CNBD1: variants seen among roughly 807,000 people sequenced by gnomAD.
CNBD1 encodes the protein cyclic nucleotide-binding domain-containing protein 1.
Under a neutral mutation model 54.4 loss-of-function variants are expected in CNBD1, and 71 were observed. The observed-to-expected ratio is 1.30, with a 90% confidence interval of 1.08 to 1.59. The LOEUF (loss-of-function observed/expected upper bound fraction) is 1.59, where lower values mean the gene tolerates loss of function less well. Among genes scored for constraint, CNBD1 ranks in the 40% most tolerant of loss-of-function variants. The pLI, the probability that CNBD1 is intolerant of heterozygous loss-of-function variation, is 0.00. For synonymous variants in CNBD1, 182 were observed against 170.7 expected (o/e 1.07, Z -0.51); for missense variants, 659 against 518.0 (o/e 1.27, Z -2.64).
chr8:87,168,888 C>T (rs924198811), intron 4 of CNBD1, among the ~76,000 whole-genome samples: 2 of 152,036 alleles, frequency 1.3e-5, no homozygotes, highest in African/African-American at 4.8e-5. Flanking sequence ...CTGCAATAAA[C>T]ATGGGCATAC....
Position 87,372,858 on chromosome 8 carries a change from T to C in CNBD1, c.1304-9762T>C, listed in dbSNP as rs201360694. Reference sequence around the variant, plus strand: ...TTATAGATGGTATAAGCCATGGTATTTTCCACTTTTTGTGGGCTCCCAGGA... The same window carrying C: ...TTATAGATGGTATAAGCCATGGTATCTTCCACTTTTTGTGGGCTCCCAGGA... On this transcript the variant is annotated intron_variant, in intron 10 of 10. Coordinates refer to ENST00000518476, the MANE Select transcript of CNBD1 (RefSeq NM_173538.3). 1.1e-4 allele frequency among the ~76,000 whole-genome samples: 16 copies of C among 151,888 alleles called. No individual in the cohort carries two copies. The East Asian group carries it at 2.7e-3, about 26-fold the overall frequency.
In CNBD1 at chr8:87,373,010, T is replaced by C. The variant is rs754907383; in HGVS notation, c.1304-9610T>C. 2.0e-5 allele frequency among the ~76,000 whole-genome samples: 3 copies of C among 151,960 alleles called. No individual in the cohort carries two copies. The South Asian group carries it at 6.2e-4, about 31-fold the overall frequency. ...ACTTTAAGTAGTTTTAATTACATAC[T>C]TATATGATATTTTTTATTATAGTAG... On this transcript the variant is annotated intron_variant, in intron 10 of 10. Transcript: ENST00000518476.
chr8:87,219,858 A>G (rs1052158881), intron 5 of CNBD1, among the ~76,000 whole-genome samples: 1 of 151,956 alleles, frequency 6.6e-6, no homozygotes, highest in Non-Finnish European at 1.5e-5. Flanking sequence ...TACCCTTCAC[A>G]TACTTCTTAA....
chr8:87,227,013 T>C lies in CNBD1; in HGVS notation c.578-9906T>C, dbSNP rs9693917. ...TATGTAATGGCCTTCTTTGTCTCTT[T>C]TGATCTTTGTTGGTTTGAAGTCTGT... On this transcript the variant is annotated intron_variant, in intron 5 of 10. Coordinates refer to ENST00000518476, the MANE Select transcript of CNBD1 (RefSeq NM_173538.3). Among the ~76,000 whole-genome samples the C allele has an allele frequency of 9.1e-3, 1,376 of 151,018 alleles. 22 individuals carry two copies. Among genetic ancestry groups the C allele is most frequent in the African/African-American group, 0.031 (1,255 of 41,002 alleles).
At chr8:86,921,653 T>G (rs965981050) in intron 3 of CNBD1, among the ~76,000 whole-genome samples, 1 of 152,160 alleles carries the variant, frequency 6.6e-6, no homozygotes, top group Non-Finnish European at 1.5e-5. Flanking sequence ...TCAGATCTCC[T>G]GACACTTATT....
At chr8:87,424,222 A>G (rs958902397) in intron 2 of CNBD1, among the ~76,000 whole-genome samples, 1 of 151,916 alleles carries the variant, frequency 6.6e-6, no homozygotes, top group Admixed American at 6.6e-5. Context: ...CTTTCAAAAT[A>G]CCAGCTCCTG....
intron 2 of CNBD1, among the ~76,000 whole-genome samples, chr8:87,417,081 G>A (rs76286337): frequency 0.049 from 7,452 of 152,038 alleles, 387 homozygotes; most frequent in African/African-American, 0.13. Flanking sequence ...GTTCTCATGC[G>A]TTTAAGAAAG....
At chr8:87,150,384 T>C (rs899611455) in intron 4 of CNBD1, among the ~76,000 whole-genome samples, 8 of 152,214 alleles carry the variant, frequency 5.3e-5, no homozygotes, top group African/African-American at 1.7e-4. Flanking sequence ...TCCTAAATAG[T>C]GTTTCAGTAC....
chr8:86,994,488 C>T (rs1808825854), intron 4 of CNBD1, among the ~76,000 whole-genome samples: 3 of 152,192 alleles, frequency 2.0e-5, no homozygotes, highest in Admixed American at 2.0e-4. Flanking sequence ...TGCCTATGGG[C>T]ACAAAGGCCT....
At chr8:87,390,897 A>G (rs1811295375) in intron 2 of CNBD1, among the ~76,000 whole-genome samples, 1 of 152,226 alleles carries the variant, frequency 6.6e-6, no homozygotes, top group Non-Finnish European at 1.5e-5. Flanking sequence ...TACACTATGT[A>G]ATACTATGCA....
intron 5 of CNBD1, among the ~76,000 whole-genome samples, chr8:87,226,920 G>T (rs962853705): frequency 4.0e-5 from 6 of 151,658 alleles, no homozygotes; most frequent in Non-Finnish European, 8.8e-5. Flanking sequence ...GAATCTGGGT[G>T]CTCCTCTATT....
intron 2 of CNBD1, among the ~76,000 whole-genome samples, chr8:87,405,926 T>C (rs938853500): frequency 6.6e-5 from 10 of 152,276 alleles, no homozygotes; most frequent in Admixed American, 6.5e-4. Flanking sequence ...GCATCTGTTA[T>C]CTGATAACAC....
At chr8:87,223,460 C>T (rs1415071566) in intron 5 of CNBD1, among the ~76,000 whole-genome samples, 1 of 148,928 alleles carries the variant, frequency 6.7e-6, no homozygotes, top group Non-Finnish European at 1.5e-5. Context: ...TCTCATTGTT[C>T]AATTCCCACC....
chr8:86,986,825 TG>T (rs34392383), intron 4 of CNBD1, among the ~76,000 whole-genome samples: 3,754 of 152,294 alleles, frequency 0.025, 71 homozygotes, highest in South Asian at 0.042. Context: ...TGGTTGTAGA[TG>T]TACAGCTATT....
intron 8 of CNBD1, among the ~76,000 whole-genome samples, chr8:87,300,809 T>G (rs1351621165): frequency 6.6e-6 from 1 of 152,256 alleles, no homozygotes; most frequent in South Asian, 2.1e-4. Flanking sequence ...TTTTGTGTAC[T>G]TATGAATTTT....
At chr8:87,142,038 A>G (rs1298116451) in intron 4 of CNBD1, among the ~76,000 whole-genome samples, 1 of 152,184 alleles carries the variant, frequency 6.6e-6, no homozygotes. Context: ...ACATTCAGTT[A>G]TTACGACACT....
intron 2 of CNBD1, among the ~76,000 whole-genome samples, chr8:87,409,927 G>A (rs1184495567): frequency 6.6e-6 from 1 of 151,992 alleles, no homozygotes; most frequent in Admixed American, 6.6e-5. Context: ...GGAGGCTGAG[G>A]CAGGAGAATC....
At chr8:87,357,833 T>A (rs1293590891) in intron 10 of CNBD1, among the ~76,000 whole-genome samples, 3 of 152,112 alleles carry the variant, frequency 2.0e-5, no homozygotes, top group African/African-American at 7.2e-5. Context: ...AATCTCAGGT[T>A]GAAGGGTGAT....
intron 5 of CNBD1, among the ~76,000 whole-genome samples, chr8:87,226,707 T>A (rs1814505777): frequency 6.6e-6 from 1 of 151,962 alleles, no homozygotes; most frequent in South Asian, 2.1e-4. Flanking sequence ...CTGAAAAAAA[T>A]GTATATTCTG....
Sources: allele counts gnomAD v4.1 joint callset (sites outside exome capture counted in the v4.1 genomes callset), GRCh38; gene constraint gnomAD v4.1.1; transcripts MANE v1.5; gene names NCBI Gene and HGNC (gene_info 2026-07-23, HGNC 2026-07-21).